Variants in METTL15 observed in about 807,000 individuals in gnomAD.
The protein encoded by METTL15 is 12S rRNA N(4)-cytidine methyltransferase METTL15.
METTL15 carries 34 observed loss-of-function variants against 38.3 expected under a neutral mutation model. That is an observed-to-expected ratio of 0.89 (90% confidence interval 0.68 to 1.18). METTL15 has a LOEUF of 1.18. Ranked by LOEUF, METTL15 falls within the 50% of genes most tolerant of loss-of-function variation. METTL15 has a pLI of 0.00. For missense variants in METTL15, 438 were observed against 498.4 expected, an observed-to-expected ratio of 0.88 and a Z score of 1.15; for synonymous variants, 162 against 170.9, an observed-to-expected ratio of 0.95 and a Z score of 0.41.
At chr11:28,371,509 T>C (rs1429568893) in intron 5 of METTL15, among the ~76,000 whole-genome samples, 1 of 152,026 alleles carries the variant, frequency 6.6e-6, no homozygotes, top group Non-Finnish European at 1.5e-5. Context: ...TGGCTATTTG[T>C]GCTCTGTTGT....
intron 3 of METTL15, among the ~76,000 whole-genome samples, chr11:28,140,445 A>G (rs2133658473): frequency 6.6e-6 from 1 of 152,258 alleles, no homozygotes; most frequent in East Asian, 1.9e-4. Context: ...CTGGCTCACC[A>G]GAGGTTTGGT....
chr11:28,149,552 G>T (rs1031453840), intron 3 of METTL15, among the ~76,000 whole-genome samples: 1 of 151,862 alleles, frequency 6.6e-6, no homozygotes, highest in African/African-American at 2.4e-5. Context: ...CTAGGCCGTG[G>T]TGCCTTCATA....
chr11:28,443,760 G>A (rs776996583), intron 6 of METTL15, among the ~76,000 whole-genome samples: 1 of 152,136 alleles, frequency 6.6e-6, no homozygotes, highest in Non-Finnish European at 1.5e-5. Flanking sequence ...CTCCACTTGA[G>A]AGTATGTAGA....
At chr11:28,210,072 A>G (rs543093811) in intron 3 of METTL15, among the ~76,000 whole-genome samples, 84 of 152,128 alleles carry the variant, frequency 5.5e-4, no homozygotes, top group Admixed American at 3.9e-3. Flanking sequence ...ACTTGTACAC[A>G]CATATGTTTC....
At chr11:28,367,436 G>A (rs1161989167) in intron 5 of METTL15, among the ~76,000 whole-genome samples, 1 of 152,136 alleles carries the variant, frequency 6.6e-6, no homozygotes. Flanking sequence ...TCTTACAAGG[G>A]ATGTGAAGGA....
intron 6 of METTL15, among the ~76,000 whole-genome samples, chr11:28,453,776 G>A (rs777581518): frequency 3.9e-5 from 6 of 152,098 alleles, no homozygotes; most frequent in Admixed American, 6.5e-5. Context: ...TTCACTATGT[G>A]CGAGTACTAC....
intron 4 of METTL15, among the ~76,000 whole-genome samples, chr11:28,246,596 A>G (rs983105252): frequency 6.6e-6 from 1 of 152,172 alleles, no homozygotes; most frequent in Non-Finnish European, 1.5e-5. Flanking sequence ...AGTGTTACCT[A>G]TTATGGGCCA....
chr11:28,430,281 G>A (rs1011923308), intron 6 of METTL15, among the ~76,000 whole-genome samples: 11 of 143,948 alleles, frequency 7.6e-5, no homozygotes, highest in Middle Eastern at 4.0e-3. Flanking sequence ...GAGGTGGGGG[G>A]TCAGCCCCCC....
At chr11:28,218,593 G>T (rs572000691) in intron 4 of METTL15, among the ~76,000 whole-genome samples, 1 of 152,052 alleles carries the variant, frequency 6.6e-6, no homozygotes, top group Non-Finnish European at 1.5e-5. Context: ...TTCCAACACT[G>T]TGTTGAATAG....
intron 5 of METTL15, among the ~76,000 whole-genome samples, chr11:28,408,155 G>T (rs917217960): frequency 1.3e-5 from 2 of 152,124 alleles, no homozygotes; most frequent in Non-Finnish European, 2.9e-5. Context: ...GGGGCCTGTT[G>T]GTTCAGGGGG....
At chr11:28,116,723 G>T (rs1851978626) in intron 3 of METTL15, among the ~76,000 whole-genome samples, 1 of 152,096 alleles carries the variant, frequency 6.6e-6, no homozygotes, top group African/African-American at 2.4e-5. Context: ...GTATACACAG[G>T]CAAGTTTACA....
At chr11:28,265,526 A>T (rs1383404496) in intron 4 of METTL15, among the ~76,000 whole-genome samples, 2 of 151,986 alleles carry the variant, frequency 1.3e-5, no homozygotes, top group Non-Finnish European at 2.9e-5. Flanking sequence ...TAGTATCTGG[A>T]TGAGCATCTT....
intron 4 of METTL15, among the ~76,000 whole-genome samples, chr11:28,251,046 C>T (rs1162831082): frequency 6.6e-6 from 1 of 151,996 alleles, no homozygotes; most frequent in Non-Finnish European, 1.5e-5. Context: ...CCTTCAATCA[C>T]CTTTGAAATA....
intron 3 of METTL15, among the ~76,000 whole-genome samples, chr11:28,161,107 CTTTTT>C (rs10660185): frequency 7.6e-5 from 10 of 131,914 alleles, no homozygotes; most frequent in Admixed American, 2.6e-4. Context: ...TTGCACCTTC[CTTTTT>C]TTTTTTTTTT....
At chr11:28,374,229 G>A (rs1324149585) in intron 5 of METTL15, among the ~76,000 whole-genome samples, 5 of 151,974 alleles carry the variant, frequency 3.3e-5, no homozygotes, top group Non-Finnish European at 7.4e-5. Context: ...GATGGGGATG[G>A]CATTGAATCT....
chr11:28,251,568 G>T (rs1298867107), intron 4 of METTL15, among the ~76,000 whole-genome samples: 1 of 151,978 alleles, frequency 6.6e-6, no homozygotes, highest in Admixed American at 6.6e-5. Flanking sequence ...AGCCCCATTT[G>T]TCACATATAC....
At chr11:28,456,962 C>T (rs566416038) in intron 6 of METTL15, among the ~76,000 whole-genome samples, 1 of 152,314 alleles carries the variant, frequency 6.6e-6, no homozygotes, top group South Asian at 2.1e-4. Flanking sequence ...CAGAGACAAA[C>T]CATCATTGCT....
chr11:28,202,919 T>C (rs1852168545), intron 3 of METTL15, among the ~76,000 whole-genome samples: 2 of 152,080 alleles, frequency 1.3e-5, no homozygotes, highest in African/African-American at 4.8e-5. Flanking sequence ...AATGTTTTCA[T>C]GTTCATTTTC....
chr11:28,465,135 C>T (rs959637283), intron 6 of METTL15, among the ~76,000 whole-genome samples: 14 of 152,134 alleles, frequency 9.2e-5, no homozygotes, highest in East Asian at 3.9e-4. Flanking sequence ...TATGAGAAGT[C>T]GCCTATTTGC....
Sources: gnomAD v4.1 joint callset for allele counts (sites outside exome capture counted in the v4.1 genomes callset) on GRCh38, gnomAD v4.1.1 for gene constraint, MANE v1.5 for transcripts, NCBI Gene and HGNC (gene_info 2026-07-23, HGNC 2026-07-21) for gene names.